The following PTPRT variants were observed in gnomAD, a reference collection of about 807,000 sequenced individuals.
PTPRT encodes the protein protein tyrosine phosphatase receptor type T, also known as receptor-type tyrosine-protein phosphatase T.
Under a neutral mutation model 176.8 loss-of-function variants are expected in PTPRT, and 56 were observed. The ratio of observed to expected loss-of-function variants is 0.32; its 90% CI spans 0.26 to 0.40. The LOEUF is 0.40. Among genes scored for constraint, PTPRT ranks in the 10% least tolerant of loss-of-function variants. The pLI, the probability that PTPRT is intolerant of heterozygous loss-of-function variation, is 1.00. For synonymous variants in PTPRT, 783 were observed against 739.0 expected (o/e 1.06, Z -0.96); for missense variants, 1,540 against 1,908.2 (o/e 0.81, Z 3.60).
intron 16 of PTPRT, among the ~76,000 whole-genome samples, chr20:42,190,582 A>G (rs1286512342): frequency 6.6e-6 from 1 of 152,176 alleles, no homozygotes; most frequent in Non-Finnish European, 1.5e-5. Flanking sequence ...TGAGCTAGTG[A>G]TTCTCTGAAT....
At chr20:42,995,703 C>A (rs77580085) in intron 1 of PTPRT, among the ~76,000 whole-genome samples, 1,636 of 152,288 alleles carry the variant, frequency 0.011, 41 homozygotes, top group African/African-American at 0.037. Context: ...CATTTTCCCC[C>A]AGAGAAGAAA....
intron 7 of PTPRT, among the ~76,000 whole-genome samples, chr20:42,552,735 C>G (rs564556753): frequency 1.3e-5 from 2 of 151,950 alleles, no homozygotes; most frequent in Non-Finnish European, 2.9e-5. Flanking sequence ...ACTGTTCTTA[C>G]AAATCAATGA....
At chr20:42,339,874 T>C (rs1178757355) in intron 11 of PTPRT, among the ~76,000 whole-genome samples, 3 of 152,196 alleles carry the variant, frequency 2.0e-5, no homozygotes, top group African/African-American at 7.2e-5. Flanking sequence ...AGCCCAGCCA[T>C]AGGTCCCACG....
chr20:42,276,541 ATATATATATATATATAT>A (rs1266092947), intron 13 of PTPRT, among the ~76,000 whole-genome samples: 21 of 69,812 alleles, frequency 3.0e-4, no homozygotes, highest in Non-Finnish European at 5.5e-4. Context: ...ATATATATAT[ATATATATATATATATAT>A]AATGTTCTTG....
chr20:42,824,782 T>C (rs760030446), intron 2 of PTPRT, among the ~76,000 whole-genome samples: 1 of 151,890 alleles, frequency 6.6e-6, no homozygotes, highest in African/African-American at 2.4e-5. Context: ...AAGTTTTCTA[T>C]AATGGACAAC....
intron 18 of PTPRT, among the ~76,000 whole-genome samples, chr20:42,130,540 G>A (rs1988076253): frequency 6.6e-6 from 1 of 152,192 alleles, no homozygotes; most frequent in African/African-American, 2.4e-5. Flanking sequence ...CAACCTGCAG[G>A]GGTAAGTTAC....
intron 18 of PTPRT, among the ~76,000 whole-genome samples, chr20:42,138,384 G>C (rs868648947): frequency 1.3e-5 from 2 of 152,140 alleles, no homozygotes; most frequent in South Asian, 2.1e-4. Flanking sequence ...ACCCACCTCT[G>C]GTCAGGTCAT....
chr20:42,659,630 C>A (rs900956067), intron 7 of PTPRT, among the ~76,000 whole-genome samples: 13 of 152,042 alleles, frequency 8.6e-5, no homozygotes, highest in Non-Finnish European at 1.9e-4. Flanking sequence ...GGGGTGGGTG[C>A]GGGGAAAGTC....
intron 1 of PTPRT, among the ~76,000 whole-genome samples, chr20:43,061,330 G>A (rs1205866839): frequency 2.0e-5 from 3 of 152,126 alleles, no homozygotes; most frequent in Admixed American, 6.5e-5. Context: ...CTGATACTCC[G>A]ACTCAAGAGG....
chr20:42,090,942 G>C (rs1477334358), intron 27 of PTPRT, among the ~76,000 whole-genome samples: 1 of 152,216 alleles, frequency 6.6e-6, no homozygotes, highest in Non-Finnish European at 1.5e-5. Flanking sequence ...TGCCTAGTAA[G>C]TACTCTCTCC....
At chr20:42,960,472 C>T (rs1981925510) in intron 1 of PTPRT, among the ~76,000 whole-genome samples, 1 of 152,092 alleles carries the variant, frequency 6.6e-6, no homozygotes, top group Non-Finnish European at 1.5e-5. Context: ...TCCTAAAGGC[C>T]CCATCTCTTA....
chr20:42,171,451 G>GATACATCA, intron 16 of PTPRT, among the ~76,000 whole-genome samples: 1 of 152,244 alleles, frequency 6.6e-6, no homozygotes, highest in Admixed American at 6.5e-5. Context: ...GTGGGTGACT[G>GATACATCA]ATACATCACT....
intron 7 of PTPRT, among the ~76,000 whole-genome samples, chr20:42,500,470 A>C (rs1039751301): frequency 3.3e-5 from 5 of 152,136 alleles, no homozygotes; most frequent in African/African-American, 1.2e-4. Flanking sequence ...TGTTGTAATC[A>C]AAAATTTGAT....
At chr20:42,234,817 T>C (rs911831475) in intron 15 of PTPRT, among the ~76,000 whole-genome samples, 2 of 152,206 alleles carry the variant, frequency 1.3e-5, no homozygotes, top group African/African-American at 4.8e-5. Flanking sequence ...TGTTCCCATA[T>C]AACATGAGGG....
chr20:42,722,553 C>T lies in PTPRT; in HGVS notation c.859+33909G>A, dbSNP rs1317712498. On this transcript the variant is annotated intron_variant, in intron 6 of 30. Coordinates refer to ENST00000373187, the MANE Select transcript of PTPRT (RefSeq NM_007050.6). ...CCACTTTCTGCACCCTCGCTGGGAGCTGACTCCCCGTCTCTGTCCTTTCTG... is the reference window on the plus strand; with the variant it reads ...CCACTTTCTGCACCCTCGCTGGGAGTTGACTCCCCGTCTCTGTCCTTTCTG... 2.0e-5 allele frequency among the ~76,000 whole-genome samples: 3 copies of T among 152,186 alleles called. No individual in the cohort carries two copies. The East Asian group carries it at 5.8e-4, about 29-fold the overall frequency.
At chr20:43,129,098 C>G (rs2146375061) in intron 1 of PTPRT, among the ~76,000 whole-genome samples, 1 of 152,330 alleles carries the variant, frequency 6.6e-6, no homozygotes, top group Non-Finnish European at 1.5e-5. Context: ...CTAACCCTCA[C>G]CAGGTCATTC....
At chr20:42,614,293 C>T (rs891164858) in intron 7 of PTPRT, among the ~76,000 whole-genome samples, 2 of 152,166 alleles carry the variant, frequency 1.3e-5, no homozygotes, top group African/African-American at 4.8e-5. Context: ...AACACACACA[C>T]CTAATGACCT....
intron 5 of PTPRT, among the ~76,000 whole-genome samples, chr20:42,768,097 C>G (rs1031382176): frequency 1.3e-5 from 2 of 151,040 alleles, no homozygotes; most frequent in Non-Finnish European, 2.9e-5. Flanking sequence ...CTGGATTTAA[C>G]TAGCCACACA....
intron 11 of PTPRT, among the ~76,000 whole-genome samples, chr20:42,343,906 C>G (rs2058149212): frequency 6.6e-6 from 1 of 152,190 alleles, no homozygotes; most frequent in Non-Finnish European, 1.5e-5. Context: ...GACTATGTTT[C>G]TGTTTTGTTT....
Sources: gnomAD v4.1 joint callset for allele counts (sites outside exome capture counted in the v4.1 genomes callset) on GRCh38, gnomAD v4.1.1 for gene constraint, MANE v1.5 for transcripts, NCBI Gene and HGNC (gene_info 2026-07-23, HGNC 2026-07-21) for gene names.